The following AK4 variants were observed in gnomAD, a reference collection of about 807,000 sequenced individuals.
AK4 encodes adenylate kinase 4.
Under a neutral mutation model 24.6 loss-of-function variants are expected in AK4, and 13 were observed. That is an observed-to-expected ratio of 0.53 (90% CI 0.34 to 0.84). The LOEUF (loss-of-function observed/expected upper bound fraction) is 0.84. AK4 is among the 40% of genes least tolerant of loss of function. The pLI is 0.01. For missense variants in AK4, 192 were observed against 288.2 expected, an observed-to-expected ratio of 0.67 and a Z score of 2.42; for synonymous variants, 88 against 107.0, an observed-to-expected ratio of 0.82 and a Z score of 1.10.
chr1:65,171,553 C>T (rs1451640757), intron 1 of AK4, among the ~76,000 whole-genome samples: 3 of 151,964 alleles, frequency 2.0e-5, no homozygotes, highest in African/African-American at 7.3e-5. Context: ...GATCTGCCCA[C>T]CTCGGCCTCC....
intron 1 of AK4, among the ~76,000 whole-genome samples, chr1:65,184,524 ATTAT>A (rs1324684912): frequency 6.6e-6 from 1 of 152,098 alleles, no homozygotes; most frequent in African/African-American, 2.4e-5. Context: ...TGTTTTCTGA[ATTAT>A]TTGTGTGTGT....
At chr1:65,214,556 A>C (rs144540252) in intron 2 of AK4, among the ~76,000 whole-genome samples, 16 of 152,318 alleles carry the variant, frequency 1.1e-4, no homozygotes, top group South Asian at 4.1e-4. Flanking sequence ...ACAGGTAGAG[A>C]TAAATCTAGG....
chr1:65,191,396 C>T (rs1464023709), intron 2 of AK4, among the ~76,000 whole-genome samples: 1 of 151,974 alleles, frequency 6.6e-6, no homozygotes, highest in Admixed American at 6.6e-5. Flanking sequence ...TTATTACTGA[C>T]ACTATAAAAG....
intron 2 of AK4, among the ~76,000 whole-genome samples, chr1:65,196,401 T>TA (rs906092550): frequency 7.5e-4 from 114 of 151,410 alleles, no homozygotes; most frequent in African/African-American, 2.3e-3. Context: ...TTGCTCTTGC[T>TA]AAAAAAAAAG....
chr1:65,227,129 A>G lies in AK4; in HGVS notation c.*952A>G, dbSNP rs1289362382. 2 of 141,116 alleles carry G rather than the reference A, an allele frequency of 1.4e-5. No individual in the cohort carries two copies. Among genetic ancestry groups the G allele is most frequent in the African/African-American group, 2.7e-5 (1 of 36,912 alleles). 8.7% of individuals were successfully genotyped at this position (141,116 alleles called of 1,614,324 possible). On this transcript the variant is annotated 3_prime_UTR_variant, in exon 5 of 5. Transcript: ENST00000327299. Reference sequence around the variant, plus strand: ...CATAAATGTTGTAAGATCATATCTTATGTATAGAAGTAATAAGACCATTTG... The same window carrying G: ...CATAAATGTTGTAAGATCATATCTTGTGTATAGAAGTAATAAGACCATTTG...
chr1:65,174,852 G>A (rs899369788), intron 1 of AK4, among the ~76,000 whole-genome samples: 6 of 152,132 alleles, frequency 3.9e-5, no homozygotes, highest in East Asian at 1.9e-4. Context: ...TACTTCATAC[G>A]GTTGTTGTAA....
chr1:65,195,995 C>T (rs1651457621), intron 2 of AK4, among the ~76,000 whole-genome samples: 1 of 152,114 alleles, frequency 6.6e-6, no homozygotes, highest in Non-Finnish European at 1.5e-5. Flanking sequence ...GTACGTCATC[C>T]TCCCAAGTGA....
intron 2 of AK4, among the ~76,000 whole-genome samples, chr1:65,208,582 A>T (rs1035576775): frequency 6.6e-6 from 1 of 152,198 alleles, no homozygotes; most frequent in Non-Finnish European, 1.5e-5. Flanking sequence ...CGAAGCAACT[A>T]TGTTAGCTCC....
chr1:65,159,982 A>C (rs984547736), intron 1 of AK4, among the ~76,000 whole-genome samples: 10 of 151,826 alleles, frequency 6.6e-5, no homozygotes, highest in Non-Finnish European at 1.0e-4. Context: ...AAAAAAAAAA[A>C]AAAAAAAAGT....
At chr1:65,170,325 G>A (rs895199179) in intron 1 of AK4, among the ~76,000 whole-genome samples, 1 of 152,126 alleles carries the variant, frequency 6.6e-6, no homozygotes, top group African/African-American at 2.4e-5. Context: ...CCGAGATCGC[G>A]CCACTGCACC....
At chr1:65,196,810 C>T (rs1237732057) in intron 2 of AK4, among the ~76,000 whole-genome samples, 1 of 152,122 alleles carries the variant, frequency 6.6e-6, no homozygotes, top group African/African-American at 2.4e-5. Context: ...AGACCGTTTT[C>T]ACACTGCTGA....
At chr1:65,155,059 C>CA (rs1490494467) in intron 1 of AK4, among the ~76,000 whole-genome samples, 1 of 150,696 alleles carries the variant, frequency 6.6e-6, no homozygotes, top group Admixed American at 6.6e-5. Context: ...CCATGTTGGC[C>CA]AGGCTGGTCT....
intron 1 of AK4, among the ~76,000 whole-genome samples, chr1:65,182,739 G>A (rs1470625704): frequency 6.6e-6 from 1 of 152,142 alleles, no homozygotes; most frequent in Non-Finnish European, 1.5e-5. Context: ...CTGTAACCCT[G>A]GACTAGTATT....
At chr1:65,221,696 A>G (rs1469504461) in intron 3 of AK4, among the ~76,000 whole-genome samples, 1 of 152,286 alleles carries the variant, frequency 6.6e-6, no homozygotes, top group African/African-American at 2.4e-5. Context: ...AGTCCAACAC[A>G]GACGCTTTAT....
chr1:65,225,794 A>G (rs1247588108), intron 4 of AK4, among the ~76,000 whole-genome samples: 1 of 152,160 alleles, frequency 6.6e-6, no homozygotes, highest in Non-Finnish European at 1.5e-5. Flanking sequence ...CACATTTGGA[A>G]TGGCCCCTAT....
chr1:65,183,345 G>T (rs1161232543), intron 1 of AK4, among the ~76,000 whole-genome samples: 3 of 152,056 alleles, frequency 2.0e-5, no homozygotes, highest in African/African-American at 4.8e-5. Context: ...CTGCCTCCTG[G>T]GTTCAAGTGA....
intron 1 of AK4, among the ~76,000 whole-genome samples, chr1:65,149,887 T>A (rs559675522): frequency 6.6e-6 from 1 of 152,170 alleles, no homozygotes; most frequent in Non-Finnish European, 1.5e-5. Context: ...TGCATTTTAT[T>A]CTTGAAATGC....
intron 1 of AK4, among the ~76,000 whole-genome samples, chr1:65,176,295 C>G (rs1650711837): frequency 6.6e-6 from 1 of 152,118 alleles, no homozygotes; most frequent in African/African-American, 2.4e-5. Context: ...CCACTGCCAA[C>G]ACATTTCTGG....
intron 2 of AK4, among the ~76,000 whole-genome samples, chr1:65,209,926 G>A (rs909654167): frequency 6.6e-6 from 1 of 152,014 alleles, no homozygotes; most frequent in Non-Finnish European, 1.5e-5. Context: ...TCCTGCCTCA[G>A]CCTCCTGAGT....
Sources: allele counts gnomAD v4.1 joint callset (sites outside exome capture counted in the v4.1 genomes callset), GRCh38; gene constraint gnomAD v4.1.1; transcripts MANE v1.5; gene names NCBI Gene and HGNC (gene_info 2026-07-23, HGNC 2026-07-21).